Variants in GATA5 observed in about 807,000 individuals in gnomAD.
GATA5 encodes the protein GATA binding protein 5, also known as transcription factor GATA-5.
Under a neutral mutation model 35.0 loss-of-function variants are expected in GATA5, and 27 were observed. The ratio of observed to expected loss-of-function variants is 0.77; its 90% CI spans 0.57 to 1.06. The LOEUF is 1.06. Ranked by LOEUF, GATA5 falls within the 50% of genes least tolerant of loss-of-function variation. The probability of loss-of-function intolerance (pLI) is 0.00; values close to 1 mark genes in which losing one functional copy is unlikely to be tolerated. For synonymous variants in GATA5, 306 were observed against 267.8 expected, an observed-to-expected ratio of 1.14 and a Z score of -1.39; for missense variants, 612 against 580.0, an observed-to-expected ratio of 1.06 and a Z score of -0.57.
rs1044340339 is a variant in GATA5, at chr20:62,464,539, C to T, written c.*297G>A. ...TCAAGTTGGTGGTGGTGGTGCCCTGCGTTGGCCTCCGCCGCAGGGGGCCAG... is the reference window on the plus strand; with the variant it reads ...TCAAGTTGGTGGTGGTGGTGCCCTGTGTTGGCCTCCGCCGCAGGGGGCCAG... On this transcript the variant is annotated 3_prime_UTR_variant, in exon 7 of 7. Transcript: ENST00000252997. 5 of 287,728 alleles carry T rather than the reference C, an allele frequency of 1.7e-5. No homozygotes were observed. The highest frequency in any genetic ancestry group is 3.2e-5 in the Non-Finnish European group (5 of 155,362). The allele number at this position is 287,728 out of a possible 1,614,324, so 17.8% of individuals were successfully genotyped here.
Position 62,465,405 on chromosome 20 carries a change from C to T in GATA5, c.973G>A (p.Ala325Thr). 6.2e-7 allele frequency: 1 copy of T among 1,606,296 alleles called. No homozygotes were observed. Residue 325 changes from alanine (A) to threonine (T), a missense_variant, in exon 6 of 7, where the codon GCC becomes ACC. By Grantham distance (58) the Ala-to-Thr change is moderately conservative. Transcript: ENST00000252997. ...SAVASTDSSAATSKAKPSLAS... is the reference protein window; with the variant it reads ...SAVASTDSSATTSKAKPSLAS... ...AGGCTGGGCTTGGCTTTCGAAGTGGCTGCTGAGCTGTCAGTGCTGGCGACA... is the reference window on the plus strand; with the variant it reads ...AGGCTGGGCTTGGCTTTCGAAGTGGTTGCTGAGCTGTCAGTGCTGGCGACA...
intron 4 of GATA5, among the ~76,000 whole-genome samples, chr20:62,466,159 G>A (rs1361965237): frequency 6.6e-6 from 1 of 152,228 alleles, no homozygotes; most frequent in Admixed American, 6.5e-5. Context: ...GGTGCCCAGA[G>A]GGCAGGAGCA....
In GATA5 at chr20:62,473,440, C is replaced by G. The variant is rs1555896758; in HGVS notation, c.662G>C (p.Gly221Ala). ...NACGLYHKMN[G>A]VNRPLVRPQK... Reference sequence around the variant, plus strand: ...AGGCCGAACGAGCGGCCGGTTGACGCCATTCATCTTGTGGTAGAGGCCGCA... The same window carrying G: ...AGGCCGAACGAGCGGCCGGTTGACGGCATTCATCTTGTGGTAGAGGCCGCA... The change falls in exon 3 of 7, where the codon GGC becomes GCC. Residue 221 changes from glycine to alanine, a missense_variant. Coordinates refer to ENST00000252997, the MANE Select transcript of GATA5 (RefSeq NM_080473.5). The G allele has an allele frequency of 1.2e-6, 2 of 1,611,094 alleles. No homozygotes were observed. The highest frequency in any genetic ancestry group is 1.7e-6 in the Non-Finnish European group (2 of 1,179,178).
chr20:62,466,584 G>A lies in GATA5; in HGVS notation c.700-33C>T, dbSNP rs34380624. ...GGCGAGGGAGACTGGAGTGAGCCCC[G>A]GGCCGGGTGCGCGGCTGGAGCAGGG... On this transcript the variant is annotated intron_variant, in intron 3 of 6. Coordinates refer to ENST00000252997, the MANE Select transcript of GATA5 (RefSeq NM_080473.5). 2,262 of 1,535,484 alleles carry A rather than the reference G, an allele frequency of 1.5e-3. 4 individuals carry two copies. Among genetic ancestry groups the A allele is most frequent in the Non-Finnish European group, 1.8e-3 (2,045 of 1,140,554 alleles).
chr20:62,471,187 G>A (rs1457684251), intron 3 of GATA5, among the ~76,000 whole-genome samples: 2 of 152,010 alleles, frequency 1.3e-5, no homozygotes, highest in African/African-American at 4.8e-5. Context: ...GGCAGCAGGA[G>A]GGGCTCCCTC....
rs782556189 is a variant in GATA5, at chr20:62,475,456, G to A, written c.66C>T (p.Phe22=). The A allele has an allele frequency of 2.2e-6, 3 of 1,340,576 alleles. No individual in the cohort carries two copies. Among genetic ancestry groups the A allele is most frequent in the Non-Finnish European group, 2.9e-6 (3 of 1,051,238 alleles). The allele number at this position is 1,340,576 out of a possible 1,614,324, so 83.0% of individuals were successfully genotyped here. The change falls in exon 2 of 7, where the codon TTC becomes TTT. Residue 22 remains phenylalanine, a synonymous_variant. Coordinates refer to ENST00000252997, the MANE Select transcript of GATA5 (RefSeq NM_080473.5). The part of the protein sequence containing the change: ...RQAAYADSGS[F]LHAPGAGSPM... ...GAGAGCCGGCGCCCGGAGCGTGCAG[G>A]AAGGAGCCCGAGTCGGCGTAGGCGG...
intron 3 of GATA5, among the ~76,000 whole-genome samples, chr20:62,472,659 G>A (rs529082419): frequency 5.2e-4 from 79 of 152,310 alleles, no homozygotes; most frequent in African/African-American, 1.8e-3. Context: ...ACAATTACTC[G>A]AAAGTAAAGG....
chr20:62,474,761 A>G (rs1989810586), intron 2 of GATA5, among the ~76,000 whole-genome samples: 1 of 152,286 alleles, frequency 6.6e-6, no homozygotes, highest in Non-Finnish European at 1.5e-5. Context: ...ACAATCCGGA[A>G]TGCTGTTTGG....
chr20:62,467,900 A>G (rs1273595567), intron 3 of GATA5, among the ~76,000 whole-genome samples: 1 of 148,368 alleles, frequency 6.7e-6, no homozygotes, highest in Admixed American at 6.7e-5. Flanking sequence ...ACGTGAGCAG[A>G]CACAGCCAGC....
In GATA5 at chr20:62,475,050, G is replaced by A. The variant is rs782221467; in HGVS notation, c.472C>T (p.Pro158Ser). 1.7e-4 allele frequency: 234 copies of A among 1,412,696 alleles called. No homozygotes were observed. Among genetic ancestry groups the A allele is most frequent in the Non-Finnish European group, 2.1e-4 (228 of 1,077,872 alleles). 87.5% of individuals were successfully genotyped at this position (1,412,696 alleles called of 1,614,324 possible). ...PDVAQSWTAGPFDGSVLHGLP... is the reference protein window; with the variant it reads ...PDVAQSWTAGSFDGSVLHGLP... The stretch of plus-strand genomic sequence containing the variant: ...CCGTGCAGGACGCTGCCATCGAAGG[G>A]CCCGGCAGTCCAGGACTGGGCCACG... Residue 158 changes from proline to serine, a missense_variant, in exon 2 of 7, where the codon CCC becomes TCC. Pro to Ser is a moderately conservative substitution (Grantham distance 74). Transcript: ENST00000252997.
chr20:62,465,036 C>T (rs1186174534), intron 6 of GATA5, 45 bp from the exon 7 acceptor site: 15 of 143,410 alleles, frequency 1.0e-4, no homozygotes, highest in Admixed American at 2.7e-4. Flanking sequence ...GGGCGTGGGG[C>T]GTGGGGGGCT....
intron 3 of GATA5, among the ~76,000 whole-genome samples, chr20:62,469,022 G>A (rs969941580): frequency 3.3e-5 from 5 of 152,210 alleles, no homozygotes; most frequent in African/African-American, 4.8e-5. Flanking sequence ...TTCTATCCTC[G>A]TCAGGTGCCA....
Position 62,466,541 on chromosome 20 carries a change from C to T in GATA5, c.710G>A (p.Arg237His), listed in dbSNP as rs375382459. Reference protein sequence around the residue: ...VRPQKRLSSSRRAGLCCTNCH... With the variant: ...VRPQKRLSSSHRAGLCCTNCH... ...GTTGGTGCAGCAGAGGCCGGCGCGG[C>T]GGGACGAGGACTGTGGGGGCGAGGG... is the stretch of plus-strand genomic sequence containing the variant. The change falls in exon 4 of 7, where the codon CGC (arginine) becomes CAC (histidine). Residue 237 changes from arginine to histidine, a missense_variant. By Grantham distance (29) the Arg-to-His change is conservative. Transcript: ENST00000252997. The T allele has an allele frequency of 2.6e-5, 41 of 1,552,222 alleles. No individual in the cohort carries two copies. The highest frequency in any genetic ancestry group is 2.3e-4 in the African/African-American group (17 of 73,448).
rs782462807 is a variant in GATA5, at chr20:62,473,554, G to A, written c.548C>T (p.Pro183Leu). 9.4e-6 allele frequency: 15 copies of A among 1,601,032 alleles called. No individual in the cohort carries two copies. Among genetic ancestry groups the A allele is most frequent in the Admixed American group, 5.2e-5 (3 of 58,122 alleles). The stretch of plus-strand genomic sequence containing the variant: ...GTTGACACACTCACGACCCTCACCC[G>A]GGAACTCCTCCAAGAAGTCGGACAC... ...TFVSDFLEEF[P>L]GEGRECVNCG... is the part of the protein sequence containing the mutation. Residue 183 changes from proline (P) to leucine (L), a missense_variant, in exon 3 of 7, where the codon CCG becomes CTG. Coordinates refer to ENST00000252997, the MANE Select transcript of GATA5 (RefSeq NM_080473.5).
chr20:62,467,974 A>AGATGAGGGCCGGCCTTGCT (rs1569045333), intron 3 of GATA5, among the ~76,000 whole-genome samples: 2 of 149,514 alleles, frequency 1.3e-5, no homozygotes, highest in African/African-American at 5.1e-5. Context: ...CTCTATGAAC[A>AGATGAGGGCCGGCCTTGCT]GACACAGCCA....
At position 62,470,748 on chromosome 20, in the gene GATA5, TG is replaced by T. The variant is rs1357306479; in HGVS notation, c.699+2654del. On this transcript the variant is annotated intron_variant, in intron 3 of 6. Coordinates refer to ENST00000252997, the MANE Select transcript of GATA5 (RefSeq NM_080473.5). This position sits in a 1 kb window ranked among gnomAD's most constrained non-coding sequence, Gnocchi z 4.6. The stretch of plus-strand genomic sequence containing the variant: ...GCTTCAGCCGAGGCTTCAGTGTTCT[TG>T]GGGGTGGGCTGCTTGGGGCCCAAGA... 5.3e-5 allele frequency among the ~76,000 whole-genome samples: 8 copies of T among 152,068 alleles called. No individual in the cohort carries two copies. Among genetic ancestry groups the T allele is most frequent in the African/African-American group, 1.9e-4 (8 of 41,402 alleles).
Position 62,466,487 on chromosome 20 carries a change from C to T in GATA5, c.764G>A (p.Arg255Gln), listed in dbSNP as rs868951707. 1.1e-5 allele frequency: 17 copies of T among 1,575,104 alleles called. No individual in the cohort carries two copies. Among genetic ancestry groups the T allele is most frequent in the East Asian group, 2.3e-5 (1 of 42,610 alleles). Residue 255 changes from arginine to glutamine, a missense_variant, in exon 4 of 7, where the codon CGG becomes CAG. By Grantham distance (43) the Arg-to-Gln change is conservative. Transcript: ENST00000252997. ...NCHTTNTTLWRRNSEGEPVCN... is the reference protein window; with the variant it reads ...NCHTTNTTLWQRNSEGEPVCN... ...CACGGGCTCCCCCTCCGAGTTCCGC[C>T]GCCACAGCGTGGTGTTGGTCGTGTG...
chr20:62,475,206 C>A lies in GATA5; in HGVS notation c.316G>T (p.Gly106Cys). ...CTGCCGTCTCGGCCCCCCGCGCTGCCGCCGCTGCCGGGCCCCGAGGGGCTG... is the reference window on the plus strand; with the variant it reads ...CTGCCGTCTCGGCCCCCCGCGCTGCAGCCGCTGCCGGGCCCCGAGGGGCTG... Reference protein sequence around the residue: ...AHSPSGPGSGGSAGGRDGSAY... With the variant: ...AHSPSGPGSGCSAGGRDGSAY... Residue 106 changes from glycine (G) to cysteine (C), a missense_variant, in exon 2 of 7, where the codon GGC becomes TGC. Gly to Cys is a radical substitution (Grantham distance 159). Coordinates refer to ENST00000252997, the MANE Select transcript of GATA5 (RefSeq NM_080473.5). 8.0e-7 allele frequency: 1 copy of A among 1,254,556 alleles called. No individual in the cohort carries two copies. The highest frequency in any genetic ancestry group is 1.0e-6 in the Non-Finnish European group (1 of 998,176). The allele number at this position is 1,254,556 out of a possible 1,614,324, so 77.7% of individuals were successfully genotyped here.
chr20:62,473,609 C>T, intron 2 of GATA5, 31 bp from the exon 3 acceptor site: 1 of 1,554,584 alleles, frequency 6.4e-7, no homozygotes, highest in East Asian at 2.4e-5. Context: ...TGGGCCCGGG[C>T]CCTCCCCTCC....
Sources: gnomAD v4.1 joint callset for allele counts (sites outside exome capture counted in the v4.1 genomes callset) on GRCh38, gnomAD v4.1.1 for gene constraint, Gnocchi (gnomAD v3.1) non-coding constraint, MANE v1.5 for transcripts, NCBI Gene and HGNC (gene_info 2026-07-23, HGNC 2026-07-21) for gene names.